TTN: variants seen among roughly 807,000 people sequenced by gnomAD.
TTN encodes titin, also known as connectin.
TTN carries 1,525 observed loss-of-function variants against 3,223.0 expected under a neutral mutation model. The observed-to-expected ratio is 0.47, with a 90% CI of 0.45 to 0.49. The LOEUF (loss-of-function observed/expected upper bound fraction) is 0.49. Ranked by LOEUF, TTN falls within the 20% of genes least tolerant of loss-of-function variation. The pLI is 0.00. For missense variants in TTN, 40,786 were observed against 43,424.0 expected (o/e 0.94, Z 5.40); for synonymous variants, 14,094 against 15,161.0 (o/e 0.93, Z 5.17).
intron 115 of TTN, 133 bp downstream of exon 115, chr2:178,695,215 A>T: frequency 3.2e-6 from 2 of 633,142 alleles, no homozygotes; most frequent in East Asian, 5.7e-5. Context: ...TAAGAAAAAA[A>T]AATCATTCAC....
Position 178,728,897 on chromosome 2 carries a change from CT to C in TTN, c.19140del (p.Val6381TyrfsTer8). The C allele has an allele frequency of 6.3e-7, 1 of 1,594,694 alleles. No homozygotes were observed. Among genetic ancestry groups the C allele is most frequent in the Non-Finnish European group, 8.6e-7 (1 of 1,168,838 alleles). On this transcript the variant is annotated frameshift_variant, in exon 65 of 363. Transcript: ENST00000589042. LOFTEE classifies it high-confidence loss of function. Reference sequence around the variant, plus strand: ...AAGAGAATAGCTTACAAACCTTGTACTAAAAGGAAAGCATAACACCTCTCAA... The same window carrying C: ...AAGAGAATAGCTTACAAACCTTGTACAAAAGGAAAGCATAACACCTCTCAA... ...SGVERCYAFL[L>X]VQEPAQIVEK...
rs1299460373 is a variant in TTN at position 178,672,061 on chromosome 2, C to A, written c.35137G>T (p.Glu11713Ter). ...CTATGAACTTTTTCAACTCTGTGTT[C>A]TTCTTCAACTCTATGTTGTTCTAAT... is the stretch of plus-strand genomic sequence containing the variant. Reference protein sequence around the residue: ...IKLEQHRVEEEHRVEKVHRVI... With the variant: ...IKLEQHRVEE Residue 11713 changes from glutamate to a stop codon, truncating the protein, a stop_gained, in exon 155 of 363, where the codon GAA becomes TAA. Coordinates refer to ENST00000589042, the MANE Select transcript of TTN (RefSeq NM_001267550.2). LOFTEE classifies it high-confidence loss of function. 6.2e-7 allele frequency: 1 copy of A among 1,611,400 alleles called. No homozygotes were observed. The highest frequency in any genetic ancestry group is 1.7e-5 in the Admixed American group (1 of 59,732).
At position 178,693,924 on chromosome 2, in the gene TTN, G is replaced by A; in HGVS notation, c.31511C>T (p.Thr10504Ile). The A allele has an allele frequency of 6.2e-7, 1 of 1,612,614 alleles. No individual in the cohort carries two copies. ...ASHTEEEVSVTVPEVQKEIVT... is the reference protein window; with the variant it reads ...ASHTEEEVSVIVPEVQKEIVT... The stretch of plus-strand genomic sequence containing the variant: ...CCACATTCCAGTTTGCCTTATACCT[G>A]TGACTGACACCTCCTCCTCTGTGTG... The change falls in exon 118 of 363, where the codon ACA (threonine) becomes ATA (isoleucine). Residue 10504 changes from threonine (T) to isoleucine (I), a missense_variant and splice_region_variant. Thr to Ile is a moderately conservative substitution (Grantham distance 89). Transcript: ENST00000589042.
rs371669309 is a variant in TTN, at chr2:178,740,661, A to G, written c.12572T>C (p.Ile4191Thr). 13 of 1,613,700 alleles carry G rather than the reference A, an allele frequency of 8.1e-6. No individual in the cohort carries two copies. In the Admixed American group the frequency reaches 1.3e-4, roughly 17 times the overall value. ...TEKIFPSAMS[I>T]EQINSLTVEP... ...AACTGTTAATGAATTAATTTGTTCT[A>G]TGGACATGGCACTTGGGAAGATTTT... The change falls in exon 48 of 363, where the codon ATA (isoleucine) becomes ACA (threonine). Residue 4191 changes from isoleucine to threonine, a missense_variant. By Grantham distance (89) the Ile-to-Thr change is moderately conservative. Coordinates refer to ENST00000589042, the MANE Select transcript of TTN (RefSeq NM_001267550.2).
Position 178,781,538 on chromosome 2 carries a change from A to T in TTN, c.3381-275T>A, listed in dbSNP as rs7594547. On this transcript the variant is annotated intron_variant, in intron 20 of 362. Transcript: ENST00000589042. ...GTGGTTTTCAGTGTTTATGTTAGCA[A>T]ATGATCAGGTCACTTAAACAACAGG... Among the ~76,000 whole-genome samples the T allele has an allele frequency of 0.014, 2,080 of 152,314 alleles. 37 individuals carry two copies. Among genetic ancestry groups the T allele is most frequent in the African/African-American group, 0.048 (2,009 of 41,544 alleles).
In TTN at chr2:178,544,065, T is replaced by C. The variant is rs770295329; in HGVS notation, c.96079A>G (p.Arg32027Gly). 2 of 1,613,366 alleles carry C rather than the reference T, an allele frequency of 1.2e-6. No individual in the cohort carries two copies. Among genetic ancestry groups the C allele is most frequent in the African/African-American group, 1.3e-5 (1 of 74,914 alleles). Residue 32027 changes from arginine to glycine, a missense_variant, in exon 346 of 363, where the codon AGG becomes GGG. Physicochemically the swap from Arg to Gly is moderately radical, Grantham distance 125 (BLOSUM62 -2). Coordinates refer to ENST00000589042, the MANE Select transcript of TTN (RefSeq NM_001267550.2). The part of the protein sequence containing the change: ...ADDLKKTVTI[R>G]AGASLRLMVS... Reference sequence around the variant, plus strand: ...ATCAAGCGCAAGGAGGCCCCAGCCCTGATGGTCACAGTCTTCTTTAGATCA... The same window carrying C: ...ATCAAGCGCAAGGAGGCCCCAGCCCCGATGGTCACAGTCTTCTTTAGATCA...
At chr2:178,751,430 A>G (rs1420514821) in intron 47 of TTN, 3 of 1,612,298 alleles carry the variant, frequency 1.9e-6, no homozygotes, top group South Asian at 2.2e-5. Context: ...CTTAAAATGT[A>G]TAGTTCTCAT....
intron 47 of TTN, chr2:178,749,347 CCTG>C (rs1481654017): frequency 4.0e-5 from 65 of 1,612,798 alleles, no homozygotes; most frequent in Non-Finnish European, 5.4e-5. Flanking sequence ...TGAATTCAGC[CCTG>C]ATGGGCTTGC....
rs1234680826 is a variant in TTN at position 178,695,381 on chromosome 2, C to CT, written c.31236dup (p.Val10413SerfsTer3). 1 of 1,611,978 alleles carries CT rather than the reference C, an allele frequency of 6.2e-7. No individual in the cohort carries two copies. The highest frequency in any genetic ancestry group is 8.5e-7 in the Non-Finnish European group (1 of 1,178,664). On this transcript the variant is annotated frameshift_variant, in exon 115 of 363. Coordinates refer to ENST00000589042, the MANE Select transcript of TTN (RefSeq NM_001267550.2). LOFTEE classifies it high-confidence loss of function. ...GGTGGTGGTGCTTTCTTTTCAGGTA[C>CT]TTTGGCTGGAACTTTTCTCTCATGT...
In TTN at chr2:178,552,722, T is replaced by A; in HGVS notation, c.90178A>T (p.Ser30060Cys). 6.2e-7 allele frequency: 1 copy of A among 1,613,986 alleles called. No individual in the cohort carries two copies. ...TCTACAACATATTCTGTGATGACGC[T>A]ACCACCATCAAAGTCAGGTTTGGTC... ...SWTKPDFDGG[S>C]VITEYVVERK... The change falls in exon 335 of 363, where the codon AGC (serine) becomes TGC (cysteine). Residue 30060 changes from serine to cysteine, a missense_variant. By Grantham distance (112) the Ser-to-Cys change is moderately radical (BLOSUM62 -1). Transcript: ENST00000589042.
In TTN at chr2:178,568,259, C is replaced by T. The variant is rs879174385; in HGVS notation, c.77873G>A (p.Gly25958Asp). 6.2e-7 allele frequency: 1 copy of T among 1,613,370 alleles called. No individual in the cohort carries two copies. Among genetic ancestry groups the T allele is most frequent in the Non-Finnish European group, 8.5e-7 (1 of 1,179,614 alleles). Reference protein sequence around the residue: ...TTLKVTKLKTGTEYQFRIFAE... With the variant: ...TTLKVTKLKTDTEYQFRIFAE... ...AAATATTCTAAATTGGTATTCTGTA[C>T]CAGTTTTCAGTTTGGTCACTTTGAG... Residue 25958 changes from glycine to aspartate, a missense_variant, in exon 326 of 363, where the codon GGT becomes GAT. Gly to Asp is a moderately conservative substitution (Grantham distance 94). Coordinates refer to ENST00000589042, the MANE Select transcript of TTN (RefSeq NM_001267550.2).
At chr2:178,642,372 C>T in intron 218 of TTN, 55 bp from the exon 219 acceptor site, 1 of 1,484,284 alleles carries the variant, frequency 6.7e-7, no homozygotes, top group Non-Finnish European at 9.1e-7. Context: ...AACGGAATTT[C>T]AACAAGAAAA....
Position 178,569,831 on chromosome 2 carries a change from C to T in TTN, c.76301G>A (p.Gly25434Asp), listed in dbSNP as rs774972434. 34 of 1,613,346 alleles carry T rather than the reference C, an allele frequency of 2.1e-5. No homozygotes were observed. The South Asian group carries it at 2.4e-4, about 11-fold the overall frequency. Reference protein sequence around the residue: ...LSWSKPIYDGGCEIQGYIVEK... With the variant: ...LSWSKPIYDGDCEIQGYIVEK... Reference sequence around the variant, plus strand: ...AACAATGTATCCTTGAATTTCACAGCCACCATCATATATTGGTTTGCTCCA... The same window carrying T: ...AACAATGTATCCTTGAATTTCACAGTCACCATCATATATTGGTTTGCTCCA... The change falls in exon 326 of 363, where the codon GGC becomes GAC. Residue 25434 changes from glycine to aspartate, a missense_variant. Gly to Asp is a moderately conservative substitution (Grantham distance 94). Coordinates refer to ENST00000589042, the MANE Select transcript of TTN (RefSeq NM_001267550.2).
rs748175453 is a variant in TTN, at chr2:178,607,879, C to G, written c.52908G>C (p.Glu17636Asp). ...VRQYTVKEIR[E>D]GADYKLRVSA... ...TCACCCGAAGTTTGTAATCAGCACC[C>G]TCTCGGATTTCTTTGACGGTGTACT... The change falls in exon 276 of 363, where the codon GAG (glutamate) becomes GAC (aspartate). Residue 17636 changes from glutamate to aspartate, a missense_variant. Transcript: ENST00000589042. 2.0e-5 allele frequency: 32 copies of G among 1,613,030 alleles called. No individual in the cohort carries two copies. The East Asian group carries it at 6.7e-4, about 34-fold the overall frequency.
In TTN at chr2:178,731,317, G is replaced by T; in HGVS notation, c.17449C>A (p.Leu5817Ile). ...DAGIQRCSAL[L>I]SVKEPATITE... ...GTTCTGAACCAACCTTTTACTGAGA[G>T]TAATGCAGAACATCTTTGTATTCCT... The change falls in exon 59 of 363, where the codon CTC becomes ATC. Residue 5817 changes from leucine (L) to isoleucine (I), a missense_variant. Physicochemically the swap from Leu to Ile is conservative, Grantham distance 5 (BLOSUM62 2). Transcript: ENST00000589042. 5 of 1,613,714 alleles carry T rather than the reference G, an allele frequency of 3.1e-6. No individual in the cohort carries two copies. The highest frequency in any genetic ancestry group is 4.2e-6 in the Non-Finnish European group (5 of 1,179,732).
rs906107577 is a variant in TTN at position 178,646,699 on chromosome 2, T to C, written c.40223-140A>G. On this transcript the variant is annotated intron_variant, in intron 215 of 362. Transcript: ENST00000589042. Reference sequence around the variant, plus strand: ...CATACAAATTCATGTATAGAAAAATTCACGTATAAGAAAAAGTTCTTTTAC... The same window carrying C: ...CATACAAATTCATGTATAGAAAAATCCACGTATAAGAAAAAGTTCTTTTAC... 15 of 563,420 alleles carry C rather than the reference T, an allele frequency of 2.7e-5. 1 individual carries two copies. The highest frequency in any genetic ancestry group is 7.5e-5 in the African/African-American group (4 of 53,578). The allele number at this position is 563,420 out of a possible 1,614,324, so 34.9% of individuals were successfully genotyped here.
At chr2:178,650,701 T>A (rs1177353769) in intron 209 of TTN, 50 bp downstream of exon 209, 1 of 1,477,254 alleles carries the variant, frequency 6.8e-7, no homozygotes, top group Non-Finnish European at 9.2e-7. Context: ...AAGCTTAAAT[T>A]AGAAATAGTC....
chr2:178,600,869 C>T lies in TTN; in HGVS notation c.56035G>A (p.Val18679Ile). The change falls in exon 288 of 363, where the codon GTC becomes ATC. Residue 18679 changes from valine to isoleucine, a missense_variant. Val to Ile is a conservative substitution (Grantham distance 29). Coordinates refer to ENST00000589042, the MANE Select transcript of TTN (RefSeq NM_001267550.2). ...TGGTACTTACATGTCTGGTCTTTGA[C>T]AGTCACAGGGCCAACAGTGGCTGAA... ...KPSATVGPVT[V>I]KDQTCPPSID... 8.1e-6 allele frequency: 13 copies of T among 1,612,806 alleles called. No individual in the cohort carries two copies. Among genetic ancestry groups the T allele is most frequent in the Non-Finnish European group, 1.1e-5 (13 of 1,179,160 alleles).
chr2:178,795,473 TC>T (rs1561474764), intron 6 of TTN, among the ~76,000 whole-genome samples: 1 of 151,880 alleles, frequency 6.6e-6, no homozygotes, highest in East Asian at 1.9e-4. Flanking sequence ...CAGCTTTAAT[TC>T]CAAATAAGCT....
Sources: allele counts gnomAD v4.1 joint callset (sites outside exome capture counted in the v4.1 genomes callset), GRCh38; gene constraint gnomAD v4.1.1; transcripts MANE v1.5; gene names NCBI Gene and HGNC (gene_info 2026-07-23, HGNC 2026-07-21).